Variants in RIMS1 observed in about 807,000 individuals in gnomAD.
RIMS1 encodes the protein regulating synaptic membrane exocytosis protein 1.
RIMS1 carries 83 observed loss-of-function variants against 214.1 expected under a neutral mutation model. The observed-to-expected ratio is 0.39, with a 90% CI of 0.32 to 0.47. The LOEUF is 0.47. RIMS1 is among the 20% of genes least tolerant of loss of function. RIMS1 has a pLI of 0.99. For missense variants in RIMS1, 2,050 were observed against 2,161.8 expected, an observed-to-expected ratio of 0.95 and a Z score of 1.03; for synonymous variants, 793 against 786.8, an observed-to-expected ratio of 1.01 and a Z score of -0.13.
At chr6:71,984,291 A>T (rs1799266079) in intron 2 of RIMS1, among the ~76,000 whole-genome samples, 1 of 152,114 alleles carries the variant, frequency 6.6e-6, no homozygotes, top group South Asian at 2.1e-4. Flanking sequence ...TGGGAAGTAA[A>T]GGTTGTGGAC....
chr6:71,899,505 T>TACAC (rs763397551), intron 1 of RIMS1, among the ~76,000 whole-genome samples: 226 of 150,054 alleles, frequency 1.5e-3, no homozygotes, highest in Non-Finnish European at 2.7e-3. Context: ...CACACACACA[T>TACAC]ATATATATAT....
chr6:72,161,123 A>G (rs534383242), intron 4 of RIMS1, among the ~76,000 whole-genome samples: 2 of 140,192 alleles, frequency 1.4e-5, no homozygotes, highest in South Asian at 2.4e-4. Flanking sequence ...AGGAGGGTGT[A>G]TGTGTCAAGG....
At chr6:72,394,537 A>G (rs1368334510) in intron 31 of RIMS1, among the ~76,000 whole-genome samples, 2 of 152,116 alleles carry the variant, frequency 1.3e-5, no homozygotes, top group Admixed American at 6.5e-5. Flanking sequence ...AAATATAAGT[A>G]TAGTGCTTAG....
intron 28 of RIMS1, among the ~76,000 whole-genome samples, chr6:72,326,602 T>G (rs1423680174): frequency 3.3e-5 from 5 of 151,832 alleles, no homozygotes; most frequent in Non-Finnish European, 7.4e-5. Context: ...CAGTACATAT[T>G]CTACAATTGA....
At chr6:72,220,554 C>G (rs937225677) in intron 6 of RIMS1, among the ~76,000 whole-genome samples, 7 of 152,034 alleles carry the variant, frequency 4.6e-5, no homozygotes, top group African/African-American at 1.7e-4. Flanking sequence ...AGTGGATAAA[C>G]TCAAGACCAG....
chr6:71,952,344 G>A (rs573840775), intron 1 of RIMS1, among the ~76,000 whole-genome samples: 2 of 152,216 alleles, frequency 1.3e-5, no homozygotes, highest in East Asian at 1.9e-4. Context: ...CAGTTGTTCA[G>A]CAAATATATA....
chr6:71,998,184 TTA>T (rs1167484015), intron 2 of RIMS1, among the ~76,000 whole-genome samples: 1 of 152,142 alleles, frequency 6.6e-6, no homozygotes, highest in Non-Finnish European at 1.5e-5. Context: ...TTTATCTACT[TTA>T]TGTGGATTTT....
chr6:72,038,119 ATATATATATAT>A (rs1330142117), intron 2 of RIMS1, among the ~76,000 whole-genome samples: 8 of 21,584 alleles, frequency 3.7e-4, no homozygotes, highest in East Asian at 1.5e-3. Context: ...AAAAAAAAAA[ATATATATATAT>A]ATATATATAT....
chr6:71,989,263 A>G (rs1307880482), intron 2 of RIMS1, among the ~76,000 whole-genome samples: 1 of 152,230 alleles, frequency 6.6e-6, no homozygotes, highest in Non-Finnish European at 1.5e-5. Context: ...AGTGACTAGC[A>G]CATAACAGGT....
intron 2 of RIMS1, among the ~76,000 whole-genome samples, chr6:72,005,849 A>G (rs1180118732): frequency 6.6e-6 from 1 of 152,234 alleles, no homozygotes. Flanking sequence ...CAAGTAAATG[A>G]GATATTTACG....
At chr6:72,284,255 C>A in intron 24 of RIMS1, 137 bp downstream of exon 24, 2 of 593,540 alleles carry the variant, frequency 3.4e-6, no homozygotes, top group Non-Finnish European at 2.9e-6. Context: ...TAAACCTACC[C>A]CTAAATGGAA....
chr6:71,954,182 A>T (rs1196241528), intron 1 of RIMS1, among the ~76,000 whole-genome samples: 2 of 152,214 alleles, frequency 1.3e-5, no homozygotes, highest in African/African-American at 4.8e-5. Context: ...TTATCGTAAG[A>T]TATATGATAT....
intron 29 of RIMS1, among the ~76,000 whole-genome samples, chr6:72,345,946 G>A (rs1416818322): frequency 6.6e-6 from 1 of 151,654 alleles, no homozygotes; most frequent in Non-Finnish European, 1.5e-5. Context: ...GGCAATTTGA[G>A]GATCAACAAC....
At chr6:72,283,758 G>A (rs1242240638) in intron 23 of RIMS1, among the ~76,000 whole-genome samples, 1 of 152,050 alleles carries the variant, frequency 6.6e-6, no homozygotes, top group Non-Finnish European at 1.5e-5. Context: ...TGCTCAGTAG[G>A]GGTTCATATT....
chr6:72,136,751 G>A (rs1269252172), intron 4 of RIMS1, among the ~76,000 whole-genome samples: 4 of 151,898 alleles, frequency 2.6e-5, no homozygotes, highest in African/African-American at 7.2e-5. Context: ...TATCAAACAA[G>A]TAAAGTATAA....
chr6:71,932,787 G>T (rs1346837737), intron 1 of RIMS1, among the ~76,000 whole-genome samples: 1 of 152,056 alleles, frequency 6.6e-6, no homozygotes, highest in Admixed American at 6.6e-5. Flanking sequence ...GTAAAATTTT[G>T]TGGAGTGAGA....
At chr6:71,964,275 G>A (rs1793816975) in intron 1 of RIMS1, among the ~76,000 whole-genome samples, 1 of 152,158 alleles carries the variant, frequency 6.6e-6, no homozygotes, top group African/African-American at 2.4e-5. Flanking sequence ...TTAGTGATGG[G>A]AGTCCTGATG....
At chr6:72,179,348 A>G in intron 4 of RIMS1, 1 of 542,472 alleles carries the variant, frequency 1.8e-6, no homozygotes, top group Non-Finnish European at 3.3e-6. Flanking sequence ...ATGCTGAGAA[A>G]AAACCTCTAC....
At chr6:72,011,123 A>C (rs574614488) in intron 2 of RIMS1, among the ~76,000 whole-genome samples, 21 of 152,312 alleles carry the variant, frequency 1.4e-4, no homozygotes, top group African/African-American at 4.8e-4. Flanking sequence ...ACTGGTACCA[A>C]AACAGAGATA....
Sources: allele counts gnomAD v4.1 joint callset (sites outside exome capture counted in the v4.1 genomes callset), GRCh38; gene constraint gnomAD v4.1.1; transcripts MANE v1.5; gene names NCBI Gene and HGNC (gene_info 2026-07-23, HGNC 2026-07-21).